The following CNTNAP5 variants were observed in gnomAD, a reference collection of about 807,000 sequenced individuals.
CNTNAP5 encodes contactin-associated protein-like 5.
CNTNAP5 carries 72 observed loss-of-function variants against 150.2 expected under a neutral mutation model. That is an observed-to-expected ratio of 0.48 (90% CI 0.40 to 0.58). The LOEUF is 0.58. Ranked by LOEUF, CNTNAP5 falls within the 20% of genes least tolerant of loss-of-function variation. CNTNAP5 has a pLI of 0.00. For synonymous variants in CNTNAP5, 672 were observed against 619.8 expected (o/e 1.08, Z -1.25); for missense variants, 1,636 against 1,626.2 (o/e 1.01, Z -0.10).
At chr2:124,205,136 T>C (rs1685830412) in intron 1 of CNTNAP5, among the ~76,000 whole-genome samples, 2 of 152,144 alleles carry the variant, frequency 1.3e-5, no homozygotes, top group Non-Finnish European at 2.9e-5. Context: ...AAATATCATT[T>C]TGAATTGTAG....
At chr2:124,092,291 A>G (rs1057316023) in intron 1 of CNTNAP5, among the ~76,000 whole-genome samples, 24 of 152,228 alleles carry the variant, frequency 1.6e-4, no homozygotes, top group Non-Finnish European at 3.2e-4. Flanking sequence ...ATAGCCATCA[A>G]GTAGTCCAGG....
chr2:124,033,960 G>A (rs1252270041), intron 1 of CNTNAP5, among the ~76,000 whole-genome samples: 1 of 152,134 alleles, frequency 6.6e-6, no homozygotes, highest in East Asian at 1.9e-4. Context: ...TGGGTATCTG[G>A]AAAAGGGAGG....
intron 13 of CNTNAP5, among the ~76,000 whole-genome samples, chr2:124,734,347 A>C (rs1680337230): frequency 1.3e-5 from 2 of 152,088 alleles, no homozygotes; most frequent in Admixed American, 1.3e-4. Flanking sequence ...AACGTTTGAC[A>C]CAGGAATTGG....
chr2:124,067,405 C>A (rs908221986), intron 1 of CNTNAP5, among the ~76,000 whole-genome samples: 1 of 152,154 alleles, frequency 6.6e-6, no homozygotes, highest in Non-Finnish European at 1.5e-5. Context: ...TGATCTGTGG[C>A]TGCATCACCC....
intron 13 of CNTNAP5, among the ~76,000 whole-genome samples, chr2:124,664,330 A>G (rs1678653227): frequency 2.6e-5 from 4 of 151,510 alleles, no homozygotes. Context: ...CTCAAGAAAA[A>G]AAAAAAAAAA....
intron 10 of CNTNAP5, among the ~76,000 whole-genome samples, chr2:124,551,415 G>C (rs1558950264): frequency 6.6e-6 from 1 of 152,090 alleles, no homozygotes; most frequent in Non-Finnish European, 1.5e-5. Context: ...TGTTAGAATG[G>C]AAAGACATAG....
At chr2:124,191,801 G>A (rs1685463230) in intron 1 of CNTNAP5, among the ~76,000 whole-genome samples, 1 of 152,072 alleles carries the variant, frequency 6.6e-6, no homozygotes, top group Non-Finnish European at 1.5e-5. Context: ...TGTAATCCCA[G>A]CTGCTCGGGA....
chr2:124,216,943 T>C (rs930398643), intron 1 of CNTNAP5, among the ~76,000 whole-genome samples: 1 of 152,162 alleles, frequency 6.6e-6, no homozygotes, highest in Non-Finnish European at 1.5e-5. Flanking sequence ...TTTCTAGTTC[T>C]AGATCCCTGA....
chr2:124,362,272 G>A (rs1184603671), intron 3 of CNTNAP5, among the ~76,000 whole-genome samples: 1 of 152,196 alleles, frequency 6.6e-6, no homozygotes, highest in Non-Finnish European at 1.5e-5. Flanking sequence ...CCCGTCTTCT[G>A]CGTCGCTCAC....
At chr2:124,523,130 C>T (rs1023344440) in intron 8 of CNTNAP5, among the ~76,000 whole-genome samples, 5 of 152,170 alleles carry the variant, frequency 3.3e-5, no homozygotes, top group Non-Finnish European at 5.9e-5. Context: ...AAGACCATCT[C>T]GTATTTGCAG....
At chr2:124,418,765 C>T (rs1004061500) in intron 4 of CNTNAP5, among the ~76,000 whole-genome samples, 8 of 152,308 alleles carry the variant, frequency 5.3e-5, no homozygotes, top group African/African-American at 1.7e-4. Flanking sequence ...TGTGTCCTAT[C>T]CTGGGATGTC....
intron 7 of CNTNAP5, among the ~76,000 whole-genome samples, chr2:124,478,378 C>T (rs148248704): frequency 5.3e-4 from 81 of 152,072 alleles, no homozygotes; most frequent in African/African-American, 1.9e-3. Flanking sequence ...GAAAAAAATC[C>T]CAAGAAAATT....
At chr2:124,065,573 T>A (rs1290680473) in intron 1 of CNTNAP5, among the ~76,000 whole-genome samples, 1 of 152,160 alleles carries the variant, frequency 6.6e-6, no homozygotes, top group Non-Finnish European at 1.5e-5. Context: ...TTGAAACTGA[T>A]AATAATTCGT....
intron 1 of CNTNAP5, among the ~76,000 whole-genome samples, chr2:124,149,421 A>C (rs954916616): frequency 6.6e-6 from 1 of 151,298 alleles, no homozygotes; most frequent in Non-Finnish European, 1.5e-5. Flanking sequence ...AAAAAAAAAA[A>C]AAAAACTCAG....
chr2:124,104,066 T>G (rs969307310), intron 1 of CNTNAP5, among the ~76,000 whole-genome samples: 5 of 149,236 alleles, frequency 3.4e-5, no homozygotes, highest in Non-Finnish European at 7.4e-5. Context: ...ATATAGATTA[T>G]GTATATAGTT....
chr2:124,079,494 C>G (rs774215660), intron 1 of CNTNAP5, among the ~76,000 whole-genome samples: 3 of 138,122 alleles, frequency 2.2e-5, no homozygotes, highest in Non-Finnish European at 4.9e-5. Context: ...TCCTTTTTAT[C>G]TATCTGAACC....
At chr2:124,728,728 A>C (rs959453866) in intron 13 of CNTNAP5, among the ~76,000 whole-genome samples, 3 of 152,034 alleles carry the variant, frequency 2.0e-5, no homozygotes, top group Non-Finnish European at 4.4e-5. Context: ...TGAGGCATGG[A>C]AAAATTGGCT....
In CNTNAP5 at chr2:124,750,072, T is replaced by A. The variant is rs1036289185; in HGVS notation, c.2234+2687T>A. Among the ~76,000 whole-genome samples the A allele has an allele frequency of 5.9e-5, 9 of 152,226 alleles. No individual in the cohort carries two copies. The East Asian group carries it at 7.7e-4, about 13-fold the overall frequency. ...GCCCAGAGGGATTCTTCATAATGTC[T>A]TCTCTCACCTTGATCATTCCAGAAG... is the stretch of plus-strand genomic sequence containing the variant. On this transcript the variant is annotated intron_variant, in intron 14 of 23. Transcript: ENST00000682447.
chr2:124,355,845 C>T (rs899604744), intron 3 of CNTNAP5, among the ~76,000 whole-genome samples: 10 of 152,052 alleles, frequency 6.6e-5, no homozygotes, highest in African/African-American at 2.2e-4. Context: ...GGAAGGAGGC[C>T]ATTTCTATGG....
Sources: gnomAD v4.1 joint callset for allele counts (sites outside exome capture counted in the v4.1 genomes callset) on GRCh38, gnomAD v4.1.1 for gene constraint, MANE v1.5 for transcripts, NCBI Gene and HGNC (gene_info 2026-07-23, HGNC 2026-07-21) for gene names.